Variants in ZC3H15 observed in about 807,000 individuals in gnomAD.
The protein encoded by ZC3H15 is zinc finger CCCH domain-containing protein 15.
ZC3H15 carries 15 observed loss-of-function variants against 51.2 expected under a neutral mutation model. The observed-to-expected ratio is 0.29, with a 90% confidence interval of 0.20 to 0.45. The LOEUF (loss-of-function observed/expected upper bound fraction) is 0.45. Ranked by LOEUF, ZC3H15 falls within the 20% of genes least tolerant of loss-of-function variation. The probability of loss-of-function intolerance (pLI) is 1.00; values close to 1 mark genes in which losing one functional copy is unlikely to be tolerated. For synonymous variants in ZC3H15, 144 were observed against 162.8 expected (o/e 0.88, Z 0.88); for missense variants, 381 against 494.7 (o/e 0.77, Z 2.18).
intron 1 of ZC3H15, among the ~76,000 whole-genome samples, chr2:186,487,836 T>C (rs1685126500): frequency 6.6e-6 from 1 of 152,262 alleles, no homozygotes; most frequent in South Asian, 2.1e-4. Context: ...ATTTAAATTA[T>C]ACTTCATGCA....
chr2:186,503,851 ACTT>A (rs1483222403), intron 5 of ZC3H15, among the ~76,000 whole-genome samples, 178 bp from the exon 6 acceptor site: 2 of 152,222 alleles, frequency 1.3e-5, no homozygotes, highest in African/African-American at 4.8e-5. Context: ...TTTAAGATAA[ACTT>A]CTGTTGCATT....
chr2:186,499,638 T>G (rs1463562380), intron 2 of ZC3H15: 1 of 450,690 alleles, frequency 2.2e-6, no homozygotes, highest in South Asian at 1.6e-5. Context: ...TATAAATGTT[T>G]GGATGAATCC....
intron 1 of ZC3H15, chr2:186,487,129 T>C (rs1685109817): frequency 6.6e-6 from 1 of 151,996 alleles, no homozygotes; most frequent in South Asian, 2.1e-4. Flanking sequence ...TTGAGATATA[T>C]GTGTGTGTGT....
intron 5 of ZC3H15, among the ~76,000 whole-genome samples, chr2:186,502,836 T>C (rs1310665318): frequency 6.6e-6 from 1 of 152,146 alleles, no homozygotes; most frequent in African/African-American, 2.4e-5. Flanking sequence ...TTTTCTGAGG[T>C]GAACGTTCTC....
At chr2:186,486,682 G>A (rs971348137) in intron 1 of ZC3H15, among the ~76,000 whole-genome samples, 1 of 152,132 alleles carries the variant, frequency 6.6e-6, no homozygotes, top group African/African-American at 2.4e-5. Flanking sequence ...CCGCCCACAC[G>A]CCCGTGTTCA....
intron 8 of ZC3H15, among the ~76,000 whole-genome samples, chr2:186,506,454 A>G (rs1348091903): frequency 2.6e-5 from 4 of 152,158 alleles, no homozygotes; most frequent in African/African-American, 9.7e-5. Context: ...TTGAAAATAG[A>G]TCTTTTGTTT....
chr2:186,504,139 A>G lies in ZC3H15; in HGVS notation c.642A>G (p.Gly214=). 1 of 1,610,738 alleles carries G rather than the reference A, an allele frequency of 6.2e-7. No homozygotes were observed. Among genetic ancestry groups the G allele is most frequent in the South Asian group, 1.1e-5 (1 of 90,470 alleles). ...ICMYRHALPP[G]FVLKKDKKKE... is the part of the protein sequence containing the mutation. ...TGTATCGTCATGCACTTCCTCCTGG[A>G]TTTGTGTTGAAAAAAGATAAAAAGA... The change falls in exon 6 of 10, where the codon GGA becomes GGG. Residue 214 remains glycine, a synonymous_variant. Transcript: ENST00000337859.
intron 3 of ZC3H15, 95 bp downstream of exon 3, chr2:186,500,388 C>T (rs544504325): frequency 1.3e-5 from 14 of 1,052,832 alleles, no homozygotes; most frequent in Non-Finnish European, 1.9e-5. Flanking sequence ...GATAATGAGA[C>T]AGTTATGTCT....
At position 186,503,379 on chromosome 2, in the gene ZC3H15, A is replaced by G. The variant is rs1030370257; in HGVS notation, c.535-653A>G. On this transcript the variant is annotated intron_variant, in intron 5 of 9. Coordinates refer to ENST00000337859, the MANE Select transcript of ZC3H15 (RefSeq NM_018471.3). The stretch of plus-strand genomic sequence containing the variant: ...CAAACCAAAGAAAATCATTTATTCT[A>G]TTTATTTTATTTTTGAGGCGGAGTT... Among the ~76,000 whole-genome samples the G allele has an allele frequency of 3.3e-5, 5 of 152,114 alleles. No homozygotes were observed. In the South Asian group the frequency reaches 6.2e-4, roughly 19 times the overall value.
chr2:186,493,420 A>G (rs1383506500), intron 1 of ZC3H15, among the ~76,000 whole-genome samples: 1 of 152,184 alleles, frequency 6.6e-6, no homozygotes, highest in Non-Finnish European at 1.5e-5. Context: ...TCTTGTTTAC[A>G]GTTAGACTTA....
intron 1 of ZC3H15, among the ~76,000 whole-genome samples, chr2:186,490,699 C>T (rs1685182313): frequency 6.6e-6 from 1 of 152,108 alleles, no homozygotes; most frequent in East Asian, 1.9e-4. Flanking sequence ...TTCCAAACAT[C>T]TTATTTAAGC....
At chr2:186,504,273 A>G (rs771828559) in intron 6 of ZC3H15, 59 bp downstream of exon 6, 12 of 1,364,474 alleles carry the variant, frequency 8.8e-6, no homozygotes, top group Middle Eastern at 2.7e-4. Flanking sequence ...GTGAAATTCT[A>G]ATACTTACCA....
At chr2:186,492,205 A>AT (rs955627815) in intron 1 of ZC3H15, among the ~76,000 whole-genome samples, 10 of 152,066 alleles carry the variant, frequency 6.6e-5, no homozygotes, top group African/African-American at 2.2e-4. Context: ...TCCTGATCAT[A>AT]TTTTTTTCTA....
rs551713417 is a variant in ZC3H15, at chr2:186,496,984, T to A, written c.177+1650T>A. The A allele has an allele frequency of 2.7e-5, 9 of 329,598 alleles. No homozygotes were observed. In the East Asian group the frequency reaches 8.7e-4, roughly 32 times the overall value. 20.4% of individuals were successfully genotyped at this position (329,598 alleles called of 1,614,324 possible). ...ATACCTTTTCTATTTTTCCTGGTTGTTCTTAGGCATTTATTCTTTCATACG... is the reference window on the plus strand; with the variant it reads ...ATACCTTTTCTATTTTTCCTGGTTGATCTTAGGCATTTATTCTTTCATACG... On this transcript the variant is annotated intron_variant, in intron 2 of 9. Coordinates refer to ENST00000337859, the MANE Select transcript of ZC3H15 (RefSeq NM_018471.3).
At position 186,501,415 on chromosome 2, in the gene ZC3H15, ACTTG is replaced by A; in HGVS notation, c.433_436del (p.Leu145LysfsTer16). ...TTTACATTGATGCAAGAGATGAAGA[ACTTG>A]AAAAAGGTAATTTTTTTAAAAACAC... On this transcript the variant is annotated frameshift_variant, in exon 4 of 10. Coordinates refer to ENST00000337859, the MANE Select transcript of ZC3H15 (RefSeq NM_018471.3). LOFTEE classifies it high-confidence loss of function. The A allele has an allele frequency of 6.2e-7, 1 of 1,606,620 alleles. No individual in the cohort carries two copies. The highest frequency in any genetic ancestry group is 1.7e-5 in the Admixed American group (1 of 57,960).
chr2:186,498,114 G>A (rs1685312899), intron 2 of ZC3H15, among the ~76,000 whole-genome samples: 1 of 152,152 alleles, frequency 6.6e-6, no homozygotes, highest in South Asian at 2.1e-4. Flanking sequence ...TCTGTCCATT[G>A]TGCTACCAAT....
chr2:186,497,142 C>T (rs1177658384), intron 2 of ZC3H15: 1 of 442,858 alleles, frequency 2.3e-6, no homozygotes, highest in Non-Finnish European at 4.5e-6. Context: ...TACATTTTTC[C>T]ACCATTTTTA....
chr2:186,500,914 C>G (rs1685372015), intron 3 of ZC3H15, among the ~76,000 whole-genome samples: 1 of 152,136 alleles, frequency 6.6e-6, no homozygotes, highest in Admixed American at 6.6e-5. Flanking sequence ...ACCTCGTTAT[C>G]TGTCTGCCTC....
chr2:186,495,104 T>G (rs1398169415), intron 1 of ZC3H15, 129 bp from the exon 2 acceptor site: 1 of 536,024 alleles, frequency 1.9e-6, no homozygotes, highest in East Asian at 3.6e-5. Flanking sequence ...GACTTGATGT[T>G]TAGTGTTTTG....
Sources: allele counts gnomAD v4.1 joint callset (sites outside exome capture counted in the v4.1 genomes callset), GRCh38; gene constraint gnomAD v4.1.1; transcripts MANE v1.5; gene names NCBI Gene and HGNC (gene_info 2026-07-23, HGNC 2026-07-21).